Variants in FBN2 observed in about 807,000 individuals in gnomAD.
The protein encoded by FBN2 is fibrillin 2.
A neutral mutation model predicts 355.6 loss-of-function variants in FBN2; 105 were observed. The ratio of observed to expected loss-of-function variants is 0.30; its 90% CI spans 0.25 to 0.35. FBN2 has a LOEUF of 0.35. Among genes scored for constraint, FBN2 ranks in the 10% least tolerant of loss-of-function variants. FBN2 has a pLI of 1.00. For missense variants in FBN2, 3,280 were observed against 3,758.7 expected (o/e 0.87, Z 3.33); for synonymous variants, 1,350 against 1,301.2 (o/e 1.04, Z -0.81).
intron 11 of FBN2, among the ~76,000 whole-genome samples, chr5:128,385,522 T>G (rs1469812329): frequency 6.6e-6 from 1 of 152,176 alleles, no homozygotes; most frequent in South Asian, 2.1e-4. Context: ...TGAAAATATG[T>G]GTACATGTGT....
chr5:128,375,595 C>T (rs902370195), intron 14 of FBN2, among the ~76,000 whole-genome samples: 1 of 152,080 alleles, frequency 6.6e-6, no homozygotes, highest in African/African-American at 2.4e-5. Flanking sequence ...ATTTTTTAAC[C>T]TCTACTGTCC....
intron 19 of FBN2, among the ~76,000 whole-genome samples, chr5:128,360,275 T>G (rs1751606137): frequency 6.6e-6 from 1 of 152,114 alleles, no homozygotes; most frequent in South Asian, 2.1e-4. Flanking sequence ...TCTGAAGAAT[T>G]GGTGTTAGAG....
At chr5:128,504,052 G>T (rs1192288074) in intron 5 of FBN2, among the ~76,000 whole-genome samples, 1 of 152,206 alleles carries the variant, frequency 6.6e-6, no homozygotes, top group Non-Finnish European at 1.5e-5. Context: ...AGCTCAGGCT[G>T]TTGCTTCAGA....
intron 7 of FBN2, among the ~76,000 whole-genome samples, chr5:128,430,491 T>TAAA (rs1753590495): frequency 6.6e-6 from 1 of 152,182 alleles, no homozygotes; most frequent in Non-Finnish European, 1.5e-5. Flanking sequence ...AGAACCTATT[T>TAAA]ATGTCTAAGC....
rs1764898522 is a variant in FBN2 at position 128,259,348 on chromosome 5, C to T, written c.*107G>A. On this transcript the variant is annotated 3_prime_UTR_variant, in exon 65 of 65. Coordinates refer to ENST00000262464, the MANE Select transcript of FBN2 (RefSeq NM_001999.4). ...AAGTCTAAGACAGGGAGGAAAGAAA[C>T]AAGAGTTATTATTATTTTTCCTCTT... The T allele has an allele frequency of 7.4e-7, 1 of 1,354,656 alleles. No homozygotes were observed. The highest frequency in any genetic ancestry group is 1.1e-6 in the Non-Finnish European group (1 of 947,122). The allele number at this position is 1,354,656 out of a possible 1,614,324, so 83.9% of individuals were successfully genotyped here.
intron 12 of FBN2, 144 bp downstream of exon 12, chr5:128,378,627 G>T (rs1752150381): frequency 3.4e-6 from 3 of 873,272 alleles, no homozygotes; most frequent in Admixed American, 4.3e-5. Context: ...GTTTAAAGGA[G>T]AATCTCTGAG....
intron 16 of FBN2, among the ~76,000 whole-genome samples, chr5:128,367,851 G>A (rs1419947474): frequency 2.0e-5 from 3 of 149,248 alleles, no homozygotes; most frequent in African/African-American, 4.9e-5. Context: ...TTAGAACTAC[G>A]TTCTCCTCAT....
chr5:128,519,438 G>A lies in FBN2; in HGVS notation c.533-70C>T, dbSNP rs1285227803. The A allele has an allele frequency of 1.2e-5, 13 of 1,105,496 alleles. No homozygotes were observed. The East Asian group carries it at 3.1e-4, about 26-fold the overall frequency. The allele number at this position is 1,105,496 out of a possible 1,614,324, so 68.5% of individuals were successfully genotyped here. A position where few individuals can be genotyped will look rare whatever the true frequency, so the allele number is the denominator to read the frequency against. Reference sequence around the variant, plus strand: ...AAGCACAATATAGTAGTGCAGTGATGCTGCCAATAAAGGATCTTATGTTAA... The same window carrying A: ...AAGCACAATATAGTAGTGCAGTGATACTGCCAATAAAGGATCTTATGTTAA... On this transcript the variant is annotated intron_variant, in intron 4 of 64. Coordinates refer to ENST00000262464, the MANE Select transcript of FBN2 (RefSeq NM_001999.4).
At chr5:128,362,360 AAC>A (rs1333679679) in intron 18 of FBN2, among the ~76,000 whole-genome samples, 1 of 152,204 alleles carries the variant, frequency 6.6e-6, no homozygotes, top group Non-Finnish European at 1.5e-5. Flanking sequence ...TTATCTCAGA[AAC>A]AGTTATTAAT....
Position 128,392,111 on chromosome 5 carries a change from G to A in FBN2, c.1510C>T (p.Leu504Phe), listed in dbSNP as rs1561433702. 2 of 1,613,470 alleles carry A rather than the reference G, an allele frequency of 1.2e-6. No homozygotes were observed. Among genetic ancestry groups the A allele is most frequent in the Admixed American group, 1.7e-5 (1 of 60,006 alleles). Reference sequence around the variant, plus strand: ...GGTATACAGCGTCCATTTAAACAAAGGTTAGCATGATGCTTACAGATATCT... The same window carrying A: ...GGTATACAGCGTCCATTTAAACAAAAGTTAGCATGATGCTTACAGATATCT... The part of the protein sequence containing the change: ...TIDICKHHAN[L>F]CLNGRCIPTV... Residue 504 changes from leucine (L) to phenylalanine (F), a missense_variant, in exon 11 of 65, where the codon CTT becomes TTT. By Grantham distance (22) the Leu-to-Phe change is conservative (BLOSUM62 0). Transcript: ENST00000262464.
intron 20 of FBN2, among the ~76,000 whole-genome samples, chr5:128,355,110 T>C (rs984752936): frequency 2.0e-5 from 3 of 152,042 alleles, no homozygotes; most frequent in African/African-American, 7.2e-5. Flanking sequence ...AAGAAGAAGA[T>C]AGTTGTGCCT....
In FBN2 at chr5:128,298,049, C is replaced by T. The variant is rs1427477033; in HGVS notation, c.6166+2768G>A. Among the ~76,000 whole-genome samples the T allele has an allele frequency of 1.1e-3, 162 of 150,528 alleles. 1 individual carries two copies. The highest frequency in any genetic ancestry group is 3.3e-3 in the African/African-American group (136 of 40,976). On this transcript the variant is annotated intron_variant, in intron 48 of 64. Coordinates refer to ENST00000262464, the MANE Select transcript of FBN2 (RefSeq NM_001999.4). ...CAGGCCTGGTGGTGACAAAATCTCT[C>T]AGCATTTGCTTGTCTGTAAAGTATT...
intron 7 of FBN2, among the ~76,000 whole-genome samples, chr5:128,426,784 T>C (rs1001040170): frequency 3.3e-5 from 5 of 152,204 alleles, no homozygotes; most frequent in African/African-American, 1.2e-4. Flanking sequence ...ACTTTCAAGG[T>C]TGCAGTAAGG....
rs759633050 is a variant in FBN2 at position 128,393,169 on chromosome 5, C to T, written c.1431G>A (p.Gly477=). ...FSPGVGGAGV[G]AGGQGPIITG... is the part of the protein sequence containing the mutation. The stretch of plus-strand genomic sequence containing the variant: ...TGATGATAGGTCCCTGTCCCCCGGC[C>T]CCCACACCGGCTCCCCCAACGCCAG... The change falls in exon 10 of 65, where the codon GGG becomes GGA. Residue 477 remains glycine (G), a synonymous_variant. Coordinates refer to ENST00000262464, the MANE Select transcript of FBN2 (RefSeq NM_001999.4). 20 of 1,614,034 alleles carry T rather than the reference C, an allele frequency of 1.2e-5. No homozygotes were observed. Among genetic ancestry groups the T allele is most frequent in the East Asian group, 8.9e-5 (4 of 44,892 alleles).
chr5:128,530,717 T>C (rs1756678824), intron 2 of FBN2, 24 bp from the exon 3 acceptor site: 4 of 1,386,370 alleles, frequency 2.9e-6, no homozygotes, highest in African/African-American at 1.4e-5. Flanking sequence ...AATAGGAAAA[T>C]GAATGAATAA....
chr5:128,349,573 C>T lies in FBN2; in HGVS notation c.2864-101G>A, dbSNP rs116573714. ...TAGCATTTTCAATCCACATTCAATA[C>T]AATGTGGATTATTACTTGAGTTAAA... is the stretch of plus-strand genomic sequence containing the variant. On this transcript the variant is annotated intron_variant, in intron 22 of 64. Transcript: ENST00000262464. 229 of 1,300,248 alleles carry T rather than the reference C, an allele frequency of 1.8e-4. No homozygotes were observed. In the African/African-American group the frequency reaches 3.1e-3, roughly 18 times the overall value. 80.5% of individuals were successfully genotyped at this position (1,300,248 alleles called of 1,614,324 possible). A position where few individuals can be genotyped will look rare whatever the true frequency, so the allele number is the denominator to read the frequency against.
intron 1 of FBN2, among the ~76,000 whole-genome samples, chr5:128,536,965 C>A (rs908639818): frequency 6.6e-6 from 1 of 152,002 alleles, no homozygotes; most frequent in Non-Finnish European, 1.5e-5. Flanking sequence ...AAACAAAAGG[C>A]TCACGAGCGG....
intron 36 of FBN2, among the ~76,000 whole-genome samples, chr5:128,316,191 A>T (rs934046491): frequency 1.3e-5 from 2 of 152,244 alleles, no homozygotes; most frequent in African/African-American, 4.8e-5. Context: ...AAACTGAAGG[A>T]TGATAAAACA....
intron 5 of FBN2, among the ~76,000 whole-genome samples, chr5:128,478,110 C>A (rs1755053641): frequency 6.6e-6 from 1 of 152,194 alleles, no homozygotes; most frequent in Non-Finnish European, 1.5e-5. Flanking sequence ...ACAGCCCAAG[C>A]CACTTCAAAT....
Sources: allele counts gnomAD v4.1 joint callset (sites outside exome capture counted in the v4.1 genomes callset), GRCh38; gene constraint gnomAD v4.1.1; transcripts MANE v1.5; gene names NCBI Gene and HGNC (gene_info 2026-07-23, HGNC 2026-07-21).